The following SCUBE2 variants were observed in gnomAD, a reference collection of about 807,000 sequenced individuals.
The protein encoded by SCUBE2 is signal peptide, CUB and EGF-like domain-containing protein 2.
A neutral mutation model predicts 125.9 loss-of-function variants in SCUBE2; 114 were observed. The ratio of observed to expected loss-of-function variants is 0.91; its 90% confidence interval spans 0.78 to 1.06. SCUBE2 has a LOEUF of 1.06. SCUBE2 is among the 50% of genes least tolerant of loss of function. The pLI is 0.00. For synonymous variants in SCUBE2, 459 were observed against 492.9 expected (o/e 0.93, Z 0.91); for missense variants, 1,255 against 1,301.8 (o/e 0.96, Z 0.55).
In SCUBE2 at chr11:9,033,152, C is replaced by T. The variant is rs1207544783; in HGVS notation, c.2173+474G>A. ...AGCTTGAGATTGACTTCAAAGTTAA[C>T]ATTTTATAAGAGATAATGAAAAGCT... On this transcript the variant is annotated intron_variant, in intron 17 of 22. Transcript: ENST00000649792. 2.6e-5 allele frequency among the ~76,000 whole-genome samples: 4 copies of T among 152,148 alleles called. No individual in the cohort carries two copies. The South Asian group carries it at 6.2e-4, about 24-fold the overall frequency.
chr11:9,035,622 C>T (rs1198281158), intron 16 of SCUBE2, among the ~76,000 whole-genome samples: 1 of 151,986 alleles, frequency 6.6e-6, no homozygotes, highest in African/African-American at 2.4e-5. Flanking sequence ...TCTACAAATG[C>T]AATTTGCATA....
intron 9 of SCUBE2, chr11:9,057,584 T>G (rs1212955147): frequency 6.7e-6 from 1 of 150,216 alleles, no homozygotes; most frequent in Non-Finnish European, 1.5e-5. Context: ...GTGGGCATGA[T>G]CTCGACTTAC....
At chr11:9,067,890 G>A (rs1328728739) in intron 5 of SCUBE2, among the ~76,000 whole-genome samples, 1 of 103,736 alleles carries the variant, frequency 9.6e-6, no homozygotes, top group Non-Finnish European at 1.7e-5. Context: ...ACTGTTCCCT[G>A]AAAGACTATG....
intron 1 of SCUBE2, chr11:9,090,270 C>T (rs549010061): frequency 1.3e-5 from 2 of 155,168 alleles, no homozygotes; most frequent in East Asian, 1.9e-4. Flanking sequence ...TGTGAGTAGG[C>T]AATAGTACCT....
In SCUBE2 at chr11:9,041,526, C is replaced by A. The variant is rs1169438300; in HGVS notation, c.2002+5830G>T. On this transcript the variant is annotated intron_variant, in intron 16 of 22. Transcript: ENST00000649792. Reference sequence around the variant, plus strand: ...AGCAGAAGTGTGTTGTGTCTGAAACCCACAGGAAGAAAGTGTTTCCAGGAG... The same window carrying A: ...AGCAGAAGTGTGTTGTGTCTGAAACACACAGGAAGAAAGTGTTTCCAGGAG... 2.6e-5 allele frequency among the ~76,000 whole-genome samples: 4 copies of A among 152,072 alleles called. No individual in the cohort carries two copies. In the South Asian group the frequency reaches 8.3e-4, roughly 32 times the overall value.
At chr11:9,073,646 G>A (rs1390429927) in intron 4 of SCUBE2, among the ~76,000 whole-genome samples, 4 of 152,178 alleles carry the variant, frequency 2.6e-5, no homozygotes, top group Non-Finnish European at 4.4e-5. Flanking sequence ...GGGGTTAATA[G>A]GCTAGTATTT....
chr11:9,027,186 CT>C lies in SCUBE2; in HGVS notation c.2701+177del, dbSNP rs1194878551. The stretch of plus-strand genomic sequence containing the variant: ...ACTACCTCTGGGGCCCAGCAAGACG[CT>C]TCAGTGTGTGGCTTTCATTTAAATT... On this transcript the variant is annotated intron_variant, in intron 20 of 22. Transcript: ENST00000649792. 4.3e-5 allele frequency: 27 copies of C among 634,654 alleles called. No individual in the cohort carries two copies. In the African/African-American group the frequency reaches 4.8e-4, roughly 11 times the overall value. 39.3% of individuals were successfully genotyped at this position (634,654 alleles called of 1,614,324 possible). A position where few individuals can be genotyped will look rare whatever the true frequency, so the allele number is the denominator to read the frequency against.
At position 9,091,411 on chromosome 11, in the gene SCUBE2, C is replaced by A. The variant is rs548456435; in HGVS notation, c.118G>T (p.Ala40Ser). 1.1e-5 allele frequency: 15 copies of A among 1,310,224 alleles called. No individual in the cohort carries two copies. In the Admixed American group the frequency reaches 3.5e-4, roughly 30 times the overall value. The allele number at this position is 1,310,224 out of a possible 1,614,324, so 81.2% of individuals were successfully genotyped here. A position where few individuals can be genotyped will look rare whatever the true frequency, so the allele number is the denominator to read the frequency against. The change falls in exon 1 of 23, where the codon GCG becomes TCG. Residue 40 changes from alanine (A) to serine (S), a missense_variant. Physicochemically the swap from Ala to Ser is moderately conservative, Grantham distance 99. Coordinates refer to ENST00000649792, the MANE Select transcript of SCUBE2 (RefSeq NM_001367977.2). This position sits in a 1 kb window ranked among gnomAD's most constrained non-coding sequence, Gnocchi z 8.5. ...GAVPPGRGRAAGPQEDVDECA... is the reference protein window; with the variant it reads ...GAVPPGRGRASGPQEDVDECA... ...GGACACTCACCCTCCTGCGGCCCCGCGGCACGGCCCCGACCCGGCGGGACG... is the reference window on the plus strand; with the variant it reads ...GGACACTCACCCTCCTGCGGCCCCGAGGCACGGCCCCGACCCGGCGGGACG...
At chr11:9,052,993 C>T in intron 12 of SCUBE2, 106 bp downstream of exon 12, 1 of 1,102,074 alleles carries the variant, frequency 9.1e-7, no homozygotes, top group Non-Finnish European at 1.3e-6. Context: ...GTGGTCGGGG[C>T]ATCTGGCGGA....
At chr11:9,047,713 C>T in intron 15 of SCUBE2, 151 bp from the exon 16 acceptor site, 1 of 944,742 alleles carries the variant, frequency 1.1e-6, no homozygotes, top group Non-Finnish European at 1.6e-6. Flanking sequence ...GGCTGGGCAG[C>T]ATTTGATTCA....
chr11:9,053,753 T>C lies in SCUBE2; in HGVS notation c.1214A>G (p.Asn405Ser), dbSNP rs748813924. The change falls in exon 11 of 23, where the codon AAT becomes AGT. Residue 405 changes from asparagine to serine, a missense_variant. Physicochemically the swap from Asn to Ser is conservative, Grantham distance 46. Transcript: ENST00000649792. ...LYGFTHCGDTNECSINNGGCQ... is the reference protein window; with the variant it reads ...LYGFTHCGDTSECSINNGGCQ... Reference sequence around the variant, plus strand: ...GCCTCCGTTGTTGATGCTGCACTCATTGGTGTCTGTGGAACAAAATACTCT... The same window carrying C: ...GCCTCCGTTGTTGATGCTGCACTCACTGGTGTCTGTGGAACAAAATACTCT... 1.8e-5 allele frequency: 29 copies of C among 1,613,068 alleles called. No individual in the cohort carries two copies. The highest frequency in any genetic ancestry group is 3.3e-5 in the Admixed American group (2 of 60,000).
At chr11:9,084,260 G>A (rs1029860316) in intron 2 of SCUBE2, among the ~76,000 whole-genome samples, 7 of 152,180 alleles carry the variant, frequency 4.6e-5, no homozygotes, top group Non-Finnish European at 1.0e-4. Context: ...AAATATAGAT[G>A]TAATAAAGTA....
intron 2 of SCUBE2, among the ~76,000 whole-genome samples, chr11:9,083,418 G>T (rs926892889): frequency 6.6e-6 from 1 of 152,152 alleles, no homozygotes. Flanking sequence ...TACTCACAGG[G>T]TTATGGACTT....
intron 2 of SCUBE2, among the ~76,000 whole-genome samples, chr11:9,079,790 G>C (rs1417754825): frequency 1.3e-5 from 2 of 152,022 alleles, no homozygotes; most frequent in African/African-American, 4.8e-5. Context: ...GAGAGAATGA[G>C]GAAGATCTCT....
At chr11:9,090,473 T>TTTTATTTA (rs1554902937) in intron 1 of SCUBE2, 1 of 144,726 alleles carries the variant, frequency 6.9e-6, no homozygotes, top group East Asian at 2.0e-4. Flanking sequence ...GAGATTTTTT[T>TTTTATTTA]TTTATTTATT....
In SCUBE2 at chr11:9,055,835, A is replaced by G. The variant is rs777456725; in HGVS notation, c.1165T>C (p.Cys389Arg). ...CCATACAGGGTGTACCCTCGGTTGCAAGCACAAGCAAATGTGCCAGGGTGG... is the reference window on the plus strand; with the variant it reads ...CCATACAGGGTGTACCCTCGGTTGCGAGCACAAGCAAATGTGCCAGGGTGG... ...INHPGTFACA[C>R]NRGYTLYGFT... The change falls in exon 10 of 23, where the codon TGC (cysteine) becomes CGC (arginine). Residue 389 changes from cysteine to arginine, a missense_variant. Coordinates refer to ENST00000649792, the MANE Select transcript of SCUBE2 (RefSeq NM_001367977.2). 1 of 1,614,190 alleles carries G rather than the reference A, an allele frequency of 6.2e-7. No homozygotes were observed. The highest frequency in any genetic ancestry group is 1.7e-5 in the Admixed American group (1 of 60,026).
intron 9 of SCUBE2, among the ~76,000 whole-genome samples, chr11:9,058,484 T>G (rs1196448644): frequency 6.6e-6 from 1 of 150,616 alleles, no homozygotes; most frequent in East Asian, 2.0e-4. Context: ...TAGTCCCAGA[T>G]ACTCAGGAGG....
At chr11:9,036,322 T>G (rs1318523945) in intron 16 of SCUBE2, among the ~76,000 whole-genome samples, 1 of 152,222 alleles carries the variant, frequency 6.6e-6, no homozygotes, top group East Asian at 1.9e-4. Flanking sequence ...TACTGGATAA[T>G]GGTTTCCATA....
chr11:9,050,605 C>T lies in SCUBE2; in HGVS notation c.1639+1G>A. The T allele has an allele frequency of 1.2e-6, 2 of 1,611,448 alleles. No individual in the cohort carries two copies. Among genetic ancestry groups the T allele is most frequent in the East Asian group, 2.2e-5 (1 of 44,880 alleles). Reference sequence around the variant, plus strand: ...CCTACACCAACCACCTGATTCCATACCTGGTAGTGCTGGTCGCAGACCCTC... The same window carrying T: ...CCTACACCAACCACCTGATTCCATATCTGGTAGTGCTGGTCGCAGACCCTC... On this transcript the variant is annotated splice_donor_variant, in intron 14 of 22. Transcript: ENST00000649792. LOFTEE classifies it high-confidence loss of function.
Sources: gnomAD v4.1 joint callset for allele counts (sites outside exome capture counted in the v4.1 genomes callset) on GRCh38, gnomAD v4.1.1 for gene constraint, Gnocchi (gnomAD v3.1) non-coding constraint, MANE v1.5 for transcripts, NCBI Gene and HGNC (gene_info 2026-07-23, HGNC 2026-07-21) for gene names.